Variants in CNTN1 observed in about 807,000 individuals in gnomAD.
CNTN1 encodes contactin-1.
CNTN1 carries 38 observed loss-of-function variants against 126.4 expected under a neutral mutation model. That is an observed-to-expected ratio of 0.30 (90% CI 0.23 to 0.39). The LOEUF is 0.39. Ranked by LOEUF, CNTN1 falls within the 10% of genes least tolerant of loss-of-function variation. The pLI, the probability that CNTN1 is intolerant of heterozygous loss-of-function variation, is 1.00. For missense variants in CNTN1, 1,009 were observed against 1,248.4 expected (o/e 0.81, Z 2.89); for synonymous variants, 413 against 422.6 (o/e 0.98, Z 0.28).
intron 1 of CNTN1, among the ~76,000 whole-genome samples, chr12:40,703,337 A>G (rs1941648714): frequency 6.6e-6 from 1 of 152,112 alleles, no homozygotes; most frequent in African/African-American, 2.4e-5. Context: ...TTGTAAAAAC[A>G]TTTCAGTTAA....
At chr12:40,708,813 AAC>A (rs1941836212) in intron 1 of CNTN1, among the ~76,000 whole-genome samples, 1 of 152,322 alleles carries the variant, frequency 6.6e-6, no homozygotes, top group Non-Finnish European at 1.5e-5. Flanking sequence ...CCTCTTCTGT[AAC>A]AGTTTTATCA....
At position 40,922,489 on chromosome 12, in the gene CNTN1, A is replaced by G. The variant is rs1054911742; in HGVS notation, c.400+61A>G. 2.0e-6 allele frequency: 3 copies of G among 1,488,908 alleles called. No individual in the cohort carries two copies. In the African/African-American group the frequency reaches 4.1e-5, roughly 21 times the overall value. 92.2% of individuals were successfully genotyped at this position (1,488,908 alleles called of 1,614,324 possible). On this transcript the variant is annotated intron_variant, in intron 5 of 23. Coordinates refer to ENST00000551295, the MANE Select transcript of CNTN1 (RefSeq NM_001843.4). ...TGTTTAGGTGAGTTCAGCAAGAAGA[A>G]CAATCAGGAAAGGATAGTGAGAGGA...
chr12:40,835,330 G>A (rs1942008136), intron 1 of CNTN1, among the ~76,000 whole-genome samples: 1 of 152,146 alleles, frequency 6.6e-6, no homozygotes, highest in Non-Finnish European at 1.5e-5. Flanking sequence ...TTGATAGAAA[G>A]TACCATACCC....
At chr12:40,786,851 C>G (rs1376181063) in intron 1 of CNTN1, among the ~76,000 whole-genome samples, 1 of 152,150 alleles carries the variant, frequency 6.6e-6, no homozygotes, top group African/African-American at 2.4e-5. Flanking sequence ...CCTTCCATGT[C>G]ACTCTGCTCA....
At chr12:40,920,516 GA>G (rs1945399017) in intron 4 of CNTN1, among the ~76,000 whole-genome samples, 1 of 151,922 alleles carries the variant, frequency 6.6e-6, no homozygotes, top group South Asian at 2.1e-4. Flanking sequence ...AAAGTGGGGG[GA>G]AAGAACAGAA....
chr12:41,069,046 C>T (rs750501051), intron 23 of CNTN1, among the ~76,000 whole-genome samples: 2 of 152,238 alleles, frequency 1.3e-5, no homozygotes, highest in East Asian at 1.9e-4. Context: ...TAGTTGTGGA[C>T]ATTGGGAAGA....
chr12:40,977,861 G>T (rs772294312), intron 15 of CNTN1, among the ~76,000 whole-genome samples: 20 of 151,812 alleles, frequency 1.3e-4, no homozygotes, highest in Admixed American at 2.6e-4. Context: ...GGAGTGCAGT[G>T]GCGCAATCTT....
At chr12:40,772,885 A>C (rs1939398175) in intron 1 of CNTN1, among the ~76,000 whole-genome samples, 1 of 151,952 alleles carries the variant, frequency 6.6e-6, no homozygotes, top group Non-Finnish European at 1.5e-5. Flanking sequence ...GCCACTTCAC[A>C]TGCTGTTAAT....
At chr12:40,860,121 T>A (rs2136640965) in intron 1 of CNTN1, among the ~76,000 whole-genome samples, 1 of 152,250 alleles carries the variant, frequency 6.6e-6, no homozygotes, top group South Asian at 2.1e-4. Context: ...ATTTTTAAAC[T>A]CATTAGGCTC....
intron 10 of CNTN1, 132 bp downstream of exon 10, chr12:40,937,037 A>C (rs1194646354): frequency 7.3e-6 from 8 of 1,089,532 alleles, no homozygotes; most frequent in Non-Finnish European, 1.1e-5. Context: ...AAAGCTTCCT[A>C]AAAAAGACAA....
Position 41,016,815 on chromosome 12 carries a change from C to A in CNTN1, c.2318C>A (p.Thr773Asn). 1 of 1,614,062 alleles carries A rather than the reference C, an allele frequency of 6.2e-7. No homozygotes were observed. The highest frequency in any genetic ancestry group is 8.5e-7 in the Non-Finnish European group (1 of 1,179,996). The change falls in exon 19 of 24, where the codon ACC becomes AAC. Residue 773 changes from threonine to asparagine, a missense_variant. Physicochemically the swap from Thr to Asn is moderately conservative, Grantham distance 65. Transcript: ENST00000551295. ...DTGRYVHKDE[T>N]MSPSTAFQVK... ...GGCCGATATGTCCATAAAGATGAAA[C>A]CATGAGCCCTTCCACTGCATTTCAA...
At chr12:41,034,536 T>G (rs1418899444) in intron 23 of CNTN1, among the ~76,000 whole-genome samples, 2 of 152,234 alleles carry the variant, frequency 1.3e-5, no homozygotes, top group African/African-American at 2.4e-5. Context: ...TTACATTTAG[T>G]CTGTGATTAA....
chr12:40,989,694 T>C (rs1379051919), intron 16 of CNTN1, among the ~76,000 whole-genome samples: 1 of 152,122 alleles, frequency 6.6e-6, no homozygotes, highest in South Asian at 2.1e-4. Flanking sequence ...TAAGCAAAAA[T>C]GTATTAAGTA....
At chr12:41,047,872 T>G (rs1481641878) in intron 23 of CNTN1, among the ~76,000 whole-genome samples, 1 of 152,086 alleles carries the variant, frequency 6.6e-6, no homozygotes, top group Non-Finnish European at 1.5e-5. Context: ...CTCTGCCCAC[T>G]TCCTATCTTT....
intron 1 of CNTN1, among the ~76,000 whole-genome samples, chr12:40,703,497 C>T (rs148934874): frequency 0.011 from 1,626 of 152,222 alleles, 30 homozygotes; most frequent in African/African-American, 0.037. Context: ...CTTTGTGTGC[C>T]TTCATTTTCC....
At chr12:41,069,799 T>C (rs1215674245) in intron 23 of CNTN1, among the ~76,000 whole-genome samples, 160 bp from the exon 24 acceptor site, 4 of 152,206 alleles carry the variant, frequency 2.6e-5, no homozygotes, top group Non-Finnish European at 5.9e-5. Context: ...TCAAAAGCTT[T>C]TGTTTTTCTT....
chr12:40,911,183 C>T (rs1945015463), intron 3 of CNTN1, among the ~76,000 whole-genome samples: 1 of 152,152 alleles, frequency 6.6e-6, no homozygotes, highest in Admixed American at 6.5e-5. Flanking sequence ...GGGATTCACG[C>T]CATTCTCCTG....
In CNTN1 at chr12:40,908,443, G is replaced by C. The variant is rs1944913148; in HGVS notation, c.11G>C (p.Trp4Ser). 28 of 1,612,850 alleles carry C rather than the reference G, an allele frequency of 1.7e-5. No homozygotes were observed. The highest frequency in any genetic ancestry group is 2.4e-5 in the Non-Finnish European group (28 of 1,179,380). Residue 4 changes from tryptophan (W) to serine (S), a missense_variant, in exon 2 of 24, where the codon TGG (tryptophan) becomes TCG (serine). Physicochemically the swap from Trp to Ser is radical, Grantham distance 177. Coordinates refer to ENST00000551295, the MANE Select transcript of CNTN1 (RefSeq NM_001843.4). MKM[W>S]LLVSHLVIIS... Reference sequence around the variant, plus strand: ...TCTACTGAATACAAGATGAAAATGTGGTTGCTGGTCAGTCATCTTGTGATA... The same window carrying C: ...TCTACTGAATACAAGATGAAAATGTCGTTGCTGGTCAGTCATCTTGTGATA...
chr12:40,702,375 G>C (rs1281627510), intron 1 of CNTN1, among the ~76,000 whole-genome samples: 2 of 152,006 alleles, frequency 1.3e-5, no homozygotes, highest in African/African-American at 4.8e-5. Flanking sequence ...TTGAATACTT[G>C]GGTTGTTTCC....
Sources: allele counts gnomAD v4.1 joint callset (sites outside exome capture counted in the v4.1 genomes callset), GRCh38; gene constraint gnomAD v4.1.1; transcripts MANE v1.5; gene names NCBI Gene and HGNC (gene_info 2026-07-23, HGNC 2026-07-21).